The following TNNT2 variants were observed in gnomAD, a reference collection of about 807,000 sequenced individuals.
TNNT2 encodes the protein troponin T, cardiac muscle.
TNNT2 carries 34 observed loss-of-function variants against 62.4 expected under a neutral mutation model. The ratio of observed to expected loss-of-function variants is 0.54; its 90% confidence interval spans 0.41 to 0.72. TNNT2 has a LOEUF of 0.72. Ranked by LOEUF, TNNT2 falls within the 30% of genes least tolerant of loss-of-function variation. The pLI is 0.00. For synonymous variants in TNNT2, 123 were observed against 127.2 expected (o/e 0.97, Z 0.22); for missense variants, 275 against 381.9 (o/e 0.72, Z 2.33).
chr1:201,359,696 G>A lies in TNNT2; in HGVS notation c.811-33C>T, dbSNP rs2275863. On this transcript the variant is annotated intron_variant, in intron 15 of 16. Coordinates refer to ENST00000656932, the MANE Select transcript of TNNT2 (RefSeq NM_001276345.2). ...AAAAGTGGGAAGGACAAAGAGCAAC[G>A]CTGGAGCTGACTGGCTCAGGTCCCA... 200,743 of 1,568,964 alleles carry A rather than the reference G, an allele frequency of 0.13. 19,177 individuals carry two copies. The highest frequency in any genetic ancestry group is 0.48 in the African/African-American group (35,458 of 73,656).
intron 15 of TNNT2, among the ~76,000 whole-genome samples, chr1:201,360,258 C>G (rs902418493): frequency 6.6e-6 from 1 of 152,214 alleles, no homozygotes; most frequent in Non-Finnish European, 1.5e-5. Context: ...TCCTGAGCAC[C>G]TTCCCAGATA....
Position 201,363,407 on chromosome 1 carries a change from C to G in TNNT2, c.490-1G>C, listed in dbSNP as rs111344408. On this transcript the variant is annotated splice_acceptor_variant, in intron 11 of 16. Transcript: ENST00000656932. LOFTEE classifies it high-confidence loss of function. Reference sequence around the variant, plus strand: ...CCTCCTCTCGTCGAGCCCTCTCTTCCTGATTTACAGCAGGGAGGAAGAAAG... The same window carrying G: ...CCTCCTCTCGTCGAGCCCTCTCTTCGTGATTTACAGCAGGGAGGAAGAAAG... 6.8e-6 allele frequency: 11 copies of G among 1,613,930 alleles called. No individual in the cohort carries two copies. The highest frequency in any genetic ancestry group is 9.3e-6 in the Non-Finnish European group (11 of 1,179,912).
intron 6 of TNNT2, among the ~76,000 whole-genome samples, 162 bp from the exon 7 acceptor site, chr1:201,367,968 C>G (rs1420961571): frequency 1.3e-5 from 2 of 152,146 alleles, no homozygotes; most frequent in Non-Finnish European, 2.9e-5. Flanking sequence ...TCCCCTGGAC[C>G]CAAGACTGCC....
intron 6 of TNNT2, 152 bp downstream of exon 6, chr1:201,368,010 T>C (rs890115141): frequency 2.0e-6 from 2 of 995,058 alleles, no homozygotes; most frequent in Non-Finnish European, 1.6e-6. Flanking sequence ...TCAACGTTTG[T>C]TGATTGGGCA....
At chr1:201,359,321 G>C in intron 16 of TNNT2, 66 bp from the exon 17 acceptor site, 1 of 1,570,536 alleles carries the variant, frequency 6.4e-7, no homozygotes, top group Non-Finnish European at 8.7e-7. Context: ...CATGCGGCTG[G>C]GGTAGGACTG....
chr1:201,371,876 G>C (rs1660653689), intron 4 of TNNT2, 151 bp downstream of exon 4: 8 of 1,037,242 alleles, frequency 7.7e-6, no homozygotes, highest in Non-Finnish European at 1.2e-5. Flanking sequence ...AGGTAGGACT[G>C]ATTCCCATTT....
At chr1:201,367,253 A>G in intron 7 of TNNT2, 1 of 408,046 alleles carries the variant, frequency 2.5e-6, no homozygotes, top group Non-Finnish European at 4.6e-6. Flanking sequence ...CTTCTTTGTT[A>G]CCCCTTGGAC....
In TNNT2 at chr1:201,359,650, C is replaced by G; in HGVS notation, c.824G>C (p.Arg275Pro). The change falls in exon 16 of 17, where the codon CGA becomes CCA. Residue 275 changes from arginine to proline, a missense_variant. Arg to Pro is a moderately radical substitution (Grantham distance 103). Transcript: ENST00000656932. The stretch of plus-strand genomic sequence containing the variant: ...TTTCTGGTTATCGTTGATCCTGTTT[C>G]GGAGAACATTGATCTGCAAGAAAAG... ...KQQKYEINVL[R>P]NRINDNQKVS... 6.3e-7 allele frequency: 1 copy of G among 1,594,880 alleles called. No homozygotes were observed. The highest frequency in any genetic ancestry group is 1.7e-5 in the Admixed American group (1 of 58,120).
Position 201,377,661 on chromosome 1 carries a change from G to T in TNNT2, c.-53C>A. On this transcript the variant is annotated 5_prime_UTR_variant, in exon 1 of 17. Transcript: ENST00000656932. ...CTGCCGACAGATCCTGGAGGCGTCT[G>T]CTCAGTCTCAGCGGGGACTGGGTGA... The T allele has an allele frequency of 2.2e-6, 1 of 456,292 alleles. No individual in the cohort carries two copies. Among genetic ancestry groups the T allele is most frequent in the Non-Finnish European group, 4.4e-6 (1 of 226,964 alleles). The allele number at this position is 456,292 out of a possible 1,614,324, so 28.3% of individuals were successfully genotyped here. A position where few individuals can be genotyped will look rare whatever the true frequency, so the allele number is the denominator to read the frequency against.
intron 1 of TNNT2, chr1:201,373,793 G>A (rs1425914619): frequency 5.0e-6 from 1 of 198,386 alleles, no homozygotes; most frequent in Non-Finnish European, 1.0e-5. Flanking sequence ...AGGCTGTTTC[G>A]AACTCCCAGG....
intron 2 of TNNT2, among the ~76,000 whole-genome samples, chr1:201,372,424 C>A (rs1197974537): frequency 6.6e-6 from 1 of 152,186 alleles, no homozygotes; most frequent in African/African-American, 2.4e-5. Flanking sequence ...CTCACTTACT[C>A]TTTCCATCTT....
At chr1:201,363,594 G>C (rs1344508932) in intron 11 of TNNT2, 188 bp from the exon 12 acceptor site, 1 of 601,672 alleles carries the variant, frequency 1.7e-6, no homozygotes, top group Non-Finnish European at 3.0e-6. Context: ...ATGACTGCGT[G>C]ATTGAATGAG....
intron 13 of TNNT2, 101 bp downstream of exon 13, chr1:201,362,285 C>T: frequency 1.3e-6 from 2 of 1,556,036 alleles, no homozygotes; most frequent in East Asian, 2.3e-5. Flanking sequence ...CCCCAGCCAG[C>T]CCAATCTCTT....
rs970678483 is a variant in TNNT2 at position 201,369,142 on chromosome 1, T to C, written c.97+674A>G. 3.9e-5 allele frequency among the ~76,000 whole-genome samples: 6 copies of C among 152,226 alleles called. No homozygotes were observed. The East Asian group carries it at 1.2e-3, about 29-fold the overall frequency. ...TCTGACGTGTCATTTCTCTATATAA[T>C]ATACCCCAGCCCACCCAGTGGCCAT... is the stretch of plus-strand genomic sequence containing the variant. On this transcript the variant is annotated intron_variant, in intron 5 of 16. Transcript: ENST00000656932.
chr1:201,364,434 T>TTTCTGTACCTGCG, intron 10 of TNNT2, 59 bp from the exon 11 acceptor site: 1 of 1,554,598 alleles, frequency 6.4e-7, no homozygotes, highest in Non-Finnish European at 8.8e-7. Flanking sequence ...ACATCGCAGG[T>TTTCTGTACCTGCG]ACAGAAACCT....
At chr1:201,373,566 C>A in intron 1 of TNNT2, 1 of 451,332 alleles carries the variant, frequency 2.2e-6, no homozygotes, top group South Asian at 2.1e-5. Flanking sequence ...TCTGCAGTTT[C>A]TCAACCTTTC....
chr1:201,362,442 C>T (rs369453236), intron 12 of TNNT2, 48 bp from the exon 13 acceptor site: 80 of 1,604,230 alleles, frequency 5.0e-5, no homozygotes, highest in South Asian at 2.2e-4. Flanking sequence ...AAGACCAAGA[C>T]GGCAACAGAG....
intron 15 of TNNT2, among the ~76,000 whole-genome samples, 199 bp from the exon 16 acceptor site, chr1:201,359,862 C>A (rs1658284792): frequency 6.6e-6 from 1 of 152,146 alleles, no homozygotes; most frequent in Non-Finnish European, 1.5e-5. Context: ...GGAGAAGCTT[C>A]CAGGATGCCT....
chr1:201,372,925 T>G (rs1019495419), intron 2 of TNNT2, among the ~76,000 whole-genome samples: 2 of 152,126 alleles, frequency 1.3e-5, no homozygotes, highest in African/African-American at 4.8e-5. Context: ...AGACCCAACA[T>G]CTCAGCTTCT....
Sources: gnomAD v4.1 joint callset for allele counts (sites outside exome capture counted in the v4.1 genomes callset) on GRCh38, gnomAD v4.1.1 for gene constraint, MANE v1.5 for transcripts, NCBI Gene and HGNC (gene_info 2026-07-23, HGNC 2026-07-21) for gene names.